Variants in IL12RB1 observed in about 807,000 individuals in gnomAD.
IL12RB1 encodes the protein interleukin-12 receptor subunit beta-1.
In IL12RB1, 64 loss-of-function variants were observed where a neutral mutation model predicts 94.4. That is an observed-to-expected ratio of 0.68 (90% CI 0.55 to 0.83). The LOEUF (loss-of-function observed/expected upper bound fraction) is 0.83. IL12RB1 is among the 40% of genes least tolerant of loss of function. The pLI is 0.00. For synonymous variants in IL12RB1, 362 were observed against 355.5 expected, an observed-to-expected ratio of 1.02 and a Z score of -0.21; for missense variants, 814 against 855.6, an observed-to-expected ratio of 0.95 and a Z score of 0.61.
In IL12RB1 at chr19:18,059,209, A is replaced by C; in HGVS notation, c.*399T>G. On this transcript the variant is annotated 3_prime_UTR_variant, in exon 17 of 17. Transcript: ENST00000593993. The stretch of plus-strand genomic sequence containing the variant: ...CAAAGTTTACAGCCCCCTTCCCTAT[A>C]TGCCTGGATCCTCCAAGCTACAAGA... 1 of 264,546 alleles carries C rather than the reference A, an allele frequency of 3.8e-6. No individual in the cohort carries two copies. The highest frequency in any genetic ancestry group is 7.4e-6 in the Non-Finnish European group (1 of 134,550). The allele number at this position is 264,546 out of a possible 1,614,324, so 16.4% of individuals were successfully genotyped here. A position where few individuals can be genotyped will look rare whatever the true frequency, so the allele number is the denominator to read the frequency against.
chr19:18,077,174 A>G (rs559786430), intron 5 of IL12RB1, among the ~76,000 whole-genome samples: 1 of 152,304 alleles, frequency 6.6e-6, no homozygotes, highest in Admixed American at 6.5e-5. Context: ...CCTGGCCCAC[A>G]TGGCGAAACC....
chr19:18,090,698 A>G (rs2036591228), upstream of IL12RB1: 1 of 152,286 alleles, frequency 6.6e-6, no homozygotes, highest in Non-Finnish European at 1.5e-5. Context: ...GCTTGCAGTG[A>G]GCGCTGTCCA....
chr19:18,086,594 T>TA (rs1391157627), intron 1 of IL12RB1, among the ~76,000 whole-genome samples, 166 bp downstream of exon 1: 2 of 152,144 alleles, frequency 1.3e-5, no homozygotes, highest in African/African-American at 4.8e-5. Flanking sequence ...GAAAGATGTC[T>TA]AAGTTCGATC....
At chr19:18,092,210 G>A (rs1464970359) in intron 1 of IL12RB1, among the ~76,000 whole-genome samples, 1 of 136,484 alleles carries the variant, frequency 7.3e-6, no homozygotes, top group Non-Finnish European at 1.6e-5. Flanking sequence ...TTCAGTTTTT[G>A]GTAGAAATGT....
chr19:18,097,600 T>C (rs1313457088), intron 1 of IL12RB1, among the ~76,000 whole-genome samples: 1 of 152,114 alleles, frequency 6.6e-6, no homozygotes, highest in East Asian at 1.9e-4. Context: ...TCATGCAAAA[T>C]ATTTACTTCT....
intron 9 of IL12RB1, 26 bp from the exon 10 acceptor site, chr19:18,069,739 C>T: frequency 1.3e-6 from 2 of 1,570,688 alleles, no homozygotes; most frequent in East Asian, 2.2e-5. Context: ...AGAGACGCAT[C>T]GAGACAGTTG....
At position 18,085,034 on chromosome 19, in the gene IL12RB1, G is replaced by T. The variant is rs569675637; in HGVS notation, c.65-1543C>A. On this transcript the variant is annotated intron_variant, in intron 1 of 16. Transcript: ENST00000593993. ...GGCAATTATTAATAACATTTCTCCAGGAGGCAGCGACCTCCCTCAGCCACT... is the reference window on the plus strand; with the variant it reads ...GGCAATTATTAATAACATTTCTCCATGAGGCAGCGACCTCCCTCAGCCACT... 1.1e-4 allele frequency among the ~76,000 whole-genome samples: 17 copies of T among 152,308 alleles called. No homozygotes were observed. The East Asian group carries it at 3.3e-3, about 29-fold the overall frequency.
At chr19:18,073,140 C>T (rs1334931040) in intron 8 of IL12RB1, among the ~76,000 whole-genome samples, 1 of 152,018 alleles carries the variant, frequency 6.6e-6, no homozygotes, top group Non-Finnish European at 1.5e-5. Flanking sequence ...GCCTCAGTTT[C>T]CCTCTCTGTA....
chr19:18,062,696 C>T (rs978362958), intron 13 of IL12RB1, among the ~76,000 whole-genome samples: 1 of 151,504 alleles, frequency 6.6e-6, no homozygotes, highest in South Asian at 2.1e-4. Context: ...CGCTTGAACT[C>T]GGGAGGCGGA....
At chr19:18,063,800 G>A in intron 13 of IL12RB1, 76 bp downstream of exon 13, 2 of 1,370,120 alleles carry the variant, frequency 1.5e-6, no homozygotes, top group Non-Finnish European at 2.0e-6. Context: ...GTGAGGGCAG[G>A]GCTGCTAAGA....
intron 7 of IL12RB1, among the ~76,000 whole-genome samples, chr19:18,075,418 G>A (rs2035394317): frequency 6.6e-6 from 1 of 151,424 alleles, no homozygotes; most frequent in South Asian, 2.1e-4. Context: ...CCGCCACCAC[G>A]CCCAGCTAAT....
chr19:18,077,451 T>C (rs1434599179), intron 5 of IL12RB1, 65 bp downstream of exon 5: 2 of 1,264,066 alleles, frequency 1.6e-6, no homozygotes, highest in East Asian at 2.4e-5. Flanking sequence ...ATGGTGAGAC[T>C]GATTTGGGGG....
chr19:18,082,407 G>C (rs1016460155), intron 2 of IL12RB1, 143 bp from the exon 3 acceptor site: 7 of 681,154 alleles, frequency 1.0e-5, no homozygotes, highest in African/African-American at 1.8e-5. Flanking sequence ...ATCCCCTGCC[G>C]TCTCTCACCT....
chr19:18,081,567 C>T (rs1289040918), intron 3 of IL12RB1, among the ~76,000 whole-genome samples: 1 of 151,772 alleles, frequency 6.6e-6, no homozygotes, highest in African/African-American at 2.4e-5. Context: ...CGCTTGTAAT[C>T]CCAGCACTTT....
intron 4 of IL12RB1, among the ~76,000 whole-genome samples, chr19:18,079,173 G>A (rs986967947): frequency 2.0e-5 from 3 of 147,754 alleles, no homozygotes; most frequent in Non-Finnish European, 4.5e-5. Context: ...GTGTGATCTC[G>A]GTTCACTGTA....
chr19:18,062,598 C>A (rs1479370713), intron 13 of IL12RB1, among the ~76,000 whole-genome samples: 1 of 152,074 alleles, frequency 6.6e-6, no homozygotes, highest in Non-Finnish European at 1.5e-5. Flanking sequence ...TATGATGAAA[C>A]CTGTCTCTAC....
intron 4 of IL12RB1, 96 bp from the exon 5 acceptor site, chr19:18,077,751 C>T: frequency 1.3e-6 from 1 of 787,306 alleles, no homozygotes; most frequent in Non-Finnish European, 2.3e-6. Flanking sequence ...GCAACTGAAT[C>T]CCTAAATATG....
intron 13 of IL12RB1, among the ~76,000 whole-genome samples, chr19:18,063,432 T>C (rs182580831): frequency 3.3e-5 from 5 of 152,020 alleles, no homozygotes; most frequent in Admixed American, 2.6e-4. Context: ...CATTCATTTA[T>C]TTGTCGCTCA....
rs878915625 is a variant in IL12RB1 at position 18,080,874 on chromosome 19, T to C, written c.367A>G (p.Thr123Ala). ...LWVESWARNQ[T>A]EKSPEVTLQL... ...AGGGTCACCTCAGGAGACTTCTCTG[T>C]CTGGTTCCTGGCCCAGGATTCCACC... The change falls in exon 4 of 17, where the codon ACA becomes GCA. Residue 123 changes from threonine to alanine, a missense_variant. Coordinates refer to ENST00000593993, the MANE Select transcript of IL12RB1 (RefSeq NM_005535.3). 3 of 1,612,164 alleles carry C rather than the reference T, an allele frequency of 1.9e-6. No individual in the cohort carries two copies.
Sources: allele counts gnomAD v4.1 joint callset (sites outside exome capture counted in the v4.1 genomes callset), GRCh38; gene constraint gnomAD v4.1.1; transcripts MANE v1.5; gene names NCBI Gene and HGNC (gene_info 2026-07-23, HGNC 2026-07-21).